PCDHGA10: variants seen among roughly 807,000 people sequenced by gnomAD.
PCDHGA10 encodes the protein protocadherin gamma subfamily A, 10, also known as protocadherin gamma-A10.
A neutral mutation model predicts 59.5 loss-of-function variants in PCDHGA10; 42 were observed. The observed-to-expected ratio is 0.71, with a 90% CI of 0.55 to 0.91. The LOEUF (loss-of-function observed/expected upper bound fraction) is 0.91. Among genes scored for constraint, PCDHGA10 ranks in the 40% least tolerant of loss-of-function variants. The pLI is 0.00. For missense variants in PCDHGA10, 1,111 were observed against 1,198.2 expected (o/e 0.93, Z 1.07); for synonymous variants, 511 against 517.2 (o/e 0.99, Z 0.16).
Position 141,431,548 on chromosome 5 carries a change from A to G in PCDHGA10, c.2436+15937A>G, listed in dbSNP as rs1357844542. 2 of 1,614,136 alleles carry G rather than the reference A, an allele frequency of 1.2e-6. No individual in the cohort carries two copies. Among genetic ancestry groups the G allele is most frequent in the Admixed American group, 1.7e-5 (1 of 60,030 alleles). On this transcript the variant is annotated intron_variant, in intron 1 of 3. Coordinates refer to ENST00000398610, the MANE Select transcript of PCDHGA10 (RefSeq NM_018913.3). This position sits in a 1 kb window ranked among gnomAD's most constrained non-coding sequence, Gnocchi z 4.8. ...TGGCCTTGGGCACGCAGCTGCTTGT[A>G]GTCAACGCTACCGACCCTGACGAAG... is the stretch of plus-strand genomic sequence containing the variant.
At chr5:141,503,116 A>G (rs1303445673) in intron 2 of PCDHGA10, among the ~76,000 whole-genome samples, 11 of 151,656 alleles carry the variant, frequency 7.3e-5, no homozygotes, top group Admixed American at 4.6e-4. Flanking sequence ...GCCTCTCTTC[A>G]TACCCTCTGG....
intron 1 of PCDHGA10, chr5:141,423,372 C>G: frequency 6.2e-7 from 1 of 1,614,178 alleles, no homozygotes; most frequent in Non-Finnish European, 8.5e-7. Context: ...TGCTGGCACT[C>G]AGGCTGTGGC....
chr5:141,435,718 G>T (rs2097776232), intron 1 of PCDHGA10, among the ~76,000 whole-genome samples: 1 of 152,150 alleles, frequency 6.6e-6, no homozygotes, highest in African/African-American at 2.4e-5. Context: ...GACACTGAAT[G>T]CTAAAGTGTA....
In PCDHGA10 at chr5:141,461,039, C is replaced by T. The variant is rs1026091108; in HGVS notation, c.2437-33768C>T. On this transcript the variant is annotated intron_variant, in intron 1 of 3. Coordinates refer to ENST00000398610, the MANE Select transcript of PCDHGA10 (RefSeq NM_018913.3). ...ACATTTTCTTTATCCACTCATTAGT[C>T]GATGGGGACTTAGGTTGGTTTCACA... is the stretch of plus-strand genomic sequence containing the variant. 2.7e-5 allele frequency among the ~76,000 whole-genome samples: 4 copies of T among 150,906 alleles called. No homozygotes were observed. In the East Asian group the frequency reaches 7.8e-4, roughly 29 times the overall value.
Position 141,413,711 on chromosome 5 carries a change from A to G in PCDHGA10, c.536A>G (p.Asn179Ser), listed in dbSNP as rs752076648. The stretch of plus-strand genomic sequence containing the variant: ...CTGCAGAGCTATCAGCTCAGCCCCA[A>G]TAAGCACTTCTCCCTAAGAGTTCAG... ...NSLQSYQLSP[N>S]KHFSLRVQSR... The change falls in exon 1 of 4, where the codon AAT becomes AGT. Residue 179 changes from asparagine (N) to serine (S), a missense_variant. Asn to Ser is a conservative substitution (Grantham distance 46). Coordinates refer to ENST00000398610, the MANE Select transcript of PCDHGA10 (RefSeq NM_018913.3). 1.2e-4 allele frequency: 199 copies of G among 1,613,564 alleles called. No homozygotes were observed. The highest frequency in any genetic ancestry group is 1.4e-4 in the Non-Finnish European group (169 of 1,179,898).
chr5:141,415,766 TTTTTTTACTTTC>T, intron 1 of PCDHGA10, 155 bp downstream of exon 1: 1 of 1,295,032 alleles, frequency 7.7e-7, no homozygotes, highest in Admixed American at 3.5e-5. Flanking sequence ...TTTTTTTTTT[TTTTTTTACTTTC>T]TGGTAAAATT....
chr5:141,476,831 G>C lies in PCDHGA10; in HGVS notation c.2437-17976G>C, dbSNP rs779348525. ...TCACATCAAGGTGCTGGACGCGAAT[G>C]ACAATGCGCCTGTCTTCAACCAGTC... On this transcript the variant is annotated intron_variant, in intron 1 of 3. Transcript: ENST00000398610. This position sits in a 1 kb window ranked among gnomAD's most constrained non-coding sequence, Gnocchi z 7.6. 1 of 1,613,504 alleles carries C rather than the reference G, an allele frequency of 6.2e-7. No homozygotes were observed. Among genetic ancestry groups the C allele is most frequent in the Non-Finnish European group, 8.5e-7 (1 of 1,180,050 alleles).
At chr5:141,460,150 T>G (rs1169568683) in intron 1 of PCDHGA10, among the ~76,000 whole-genome samples, 1 of 152,106 alleles carries the variant, frequency 6.6e-6, no homozygotes, top group East Asian at 1.9e-4. Context: ...ATGTGAGCTC[T>G]TTGTCACATA....
chr5:141,438,721 G>A (rs886300746), intron 1 of PCDHGA10, among the ~76,000 whole-genome samples: 30 of 148,304 alleles, frequency 2.0e-4, no homozygotes, highest in Non-Finnish European at 7.4e-5. Flanking sequence ...AGTGCAAGTG[G>A]TGTGATCTCA....
At position 141,476,666 on chromosome 5, in the gene PCDHGA10, G is replaced by A. The variant is rs2099395856; in HGVS notation, c.2437-18141G>A. On this transcript the variant is annotated intron_variant, in intron 1 of 3. Coordinates refer to ENST00000398610, the MANE Select transcript of PCDHGA10 (RefSeq NM_018913.3). The surrounding 1 kb of genome is among the most constrained non-coding windows in gnomAD (Gnocchi z 7.6). The stretch of plus-strand genomic sequence containing the variant: ...CCGAAATGAATACTTTGCGCTTCGC[G>A]TGCAGACGCGGGAGGACAGCACCAA... 6.2e-7 allele frequency: 1 copy of A among 1,614,128 alleles called. No individual in the cohort carries two copies.
chr5:141,422,485 A>G, intron 1 of PCDHGA10: 2 of 1,613,980 alleles, frequency 1.2e-6, no homozygotes, highest in Non-Finnish European at 1.7e-6. Context: ...CCAGAGCTAC[A>G]ATATAACGTT....
At chr5:141,453,932 C>T (rs57919166) in intron 1 of PCDHGA10, among the ~76,000 whole-genome samples, 2 of 152,296 alleles carry the variant, frequency 1.3e-5, no homozygotes, top group African/African-American at 4.8e-5. Context: ...TCACTGTGTG[C>T]CTATAATTTA....
rs770093591 is a variant in PCDHGA10 at position 141,486,147 on chromosome 5, G to T, written c.2437-8660G>T. ...GAATTTGATGTGCGGGCTCGCGATG[G>T]GGGTTCTCCAGCCATGGAGCAACAT... On this transcript the variant is annotated intron_variant, in intron 1 of 3. Transcript: ENST00000398610. This position sits in a 1 kb window ranked among gnomAD's most constrained non-coding sequence, Gnocchi z 5.0. The T allele has an allele frequency of 6.2e-7, 1 of 1,614,168 alleles. No individual in the cohort carries two copies. The highest frequency in any genetic ancestry group is 1.7e-5 in the Admixed American group (1 of 60,028).
chr5:141,494,845 C>G lies in PCDHGA10; in HGVS notation c.2475C>G (p.Ala825=), dbSNP rs747484430. The part of the protein sequence containing the change: ...PPNTDWRFSQ[A]QRPGTSGSQN... Reference sequence around the variant, plus strand: ...ACACGGACTGGCGTTTCTCTCAGGCCCAGAGACCCGGCACCAGCGGGTAGG... The same window carrying G: ...ACACGGACTGGCGTTTCTCTCAGGCGCAGAGACCCGGCACCAGCGGGTAGG... The change falls in exon 2 of 4, where the codon GCC becomes GCG. Residue 825 remains alanine, a synonymous_variant. Transcript: ENST00000398610. 1.2e-6 allele frequency: 2 copies of G among 1,614,144 alleles called. No individual in the cohort carries two copies. The highest frequency in any genetic ancestry group is 1.7e-6 in the Non-Finnish European group (2 of 1,180,028).
At chr5:141,451,019 G>A (rs1348607593) in intron 1 of PCDHGA10, among the ~76,000 whole-genome samples, 7 of 151,274 alleles carry the variant, frequency 4.6e-5, no homozygotes, top group Admixed American at 2.0e-4. Context: ...TAGTAGAGAC[G>A]AGGTTTCACC....
At position 141,511,456 on chromosome 5, in the gene PCDHGA10, C is replaced by A. The variant is rs900802210; in HGVS notation, c.*283C>A. ...TACTGTAGACACCAAGAACCATTTG[C>A]CACACCCCGTTTAGTTACAGCTGAA... On this transcript the variant is annotated 3_prime_UTR_variant, in exon 4 of 4. Transcript: ENST00000398610. 3.4e-6 allele frequency: 2 copies of A among 585,210 alleles called. No homozygotes were observed. The highest frequency in any genetic ancestry group is 5.7e-6 in the Non-Finnish European group (2 of 351,786). 36.3% of individuals were successfully genotyped at this position (585,210 alleles called of 1,614,324 possible).
Position 141,431,451 on chromosome 5 carries a change from T to C in PCDHGA10, c.2436+15840T>C. On this transcript the variant is annotated intron_variant, in intron 1 of 3. Transcript: ENST00000398610. The surrounding 1 kb of genome is among the most constrained non-coding windows in gnomAD (Gnocchi z 4.8). ...ACAGGCACCGCGCGCATCCGCGTGA[T>C]GGTTCTGGATGCGAACGACAACGCA... The C allele has an allele frequency of 6.2e-7, 1 of 1,613,762 alleles. No individual in the cohort carries two copies. Among genetic ancestry groups the C allele is most frequent in the African/African-American group, 1.3e-5 (1 of 75,072 alleles).
chr5:141,485,434 G>A lies in PCDHGA10; in HGVS notation c.2437-9373G>A. The A allele has an allele frequency of 6.2e-7, 1 of 1,614,166 alleles. No individual in the cohort carries two copies. The highest frequency in any genetic ancestry group is 8.5e-7 in the Non-Finnish European group (1 of 1,180,018). On this transcript the variant is annotated intron_variant, in intron 1 of 3. Coordinates refer to ENST00000398610, the MANE Select transcript of PCDHGA10 (RefSeq NM_018913.3). This position sits in a 1 kb window ranked among gnomAD's most constrained non-coding sequence, Gnocchi z 5.7. ...TGGACAGCGGAGCCCTGCTCATCAA[G>A]AACCCAATCGACCGAGAGGCACTGT...
Position 141,414,864 on chromosome 5 carries a change from G to A in PCDHGA10, c.1689G>A (p.Ala563=), listed in dbSNP as rs766848727. Residue 563 remains alanine, a synonymous_variant, in exon 1 of 4, where the codon GCG becomes GCA. Transcript: ENST00000398610. The part of the protein sequence containing the change: ...SLFVLDQNDN[A]PEILYPALPT... The stretch of plus-strand genomic sequence containing the variant: ...TTGTGCTGGACCAGAACGACAATGC[G>A]CCCGAGATCCTGTACCCCGCCCTCC... 2 of 1,614,174 alleles carry A rather than the reference G, an allele frequency of 1.2e-6. No individual in the cohort carries two copies. The highest frequency in any genetic ancestry group is 2.2e-5 in the South Asian group (2 of 91,088).
Sources: allele counts gnomAD v4.1 joint callset (sites outside exome capture counted in the v4.1 genomes callset), GRCh38; gene constraint gnomAD v4.1.1; non-coding constraint Gnocchi (gnomAD v3.1); transcripts MANE v1.5; gene names NCBI Gene and HGNC (gene_info 2026-07-23, HGNC 2026-07-21).